PAM: variants seen among roughly 807,000 people sequenced by gnomAD.
The protein encoded by PAM is peptidylglycine alpha-amidating monooxygenase.
A neutral mutation model predicts 122.1 loss-of-function variants in PAM; 72 were observed. The ratio of observed to expected loss-of-function variants is 0.59; its 90% CI spans 0.49 to 0.72. The LOEUF is 0.72. PAM is among the 30% of genes least tolerant of loss of function. The pLI, the probability that PAM is intolerant of heterozygous loss-of-function variation, is 0.00. For missense variants in PAM, 1,106 were observed against 1,183.7 expected, an observed-to-expected ratio of 0.93 and a Z score of 0.96; for synonymous variants, 389 against 404.4, an observed-to-expected ratio of 0.96 and a Z score of 0.46.
At chr5:103,023,225 A>G (rs1193985068) in intron 23 of PAM, among the ~76,000 whole-genome samples, 1 of 152,000 alleles carries the variant, frequency 6.6e-6, no homozygotes, top group Admixed American at 6.6e-5. Flanking sequence ...ATGTTGCCCA[A>G]TTCTGGTTCT....
rs1401981661 is a variant in PAM at position 102,870,092 on chromosome 5, T to C, written c.210+2699T>C. ...AAACAAGGAAAGACATTGAGTTAAA[T>C]GGCAGAGGATTTTTTTTTTTTTGAT... is the stretch of plus-strand genomic sequence containing the variant. On this transcript the variant is annotated intron_variant, in intron 3 of 25. Transcript: ENST00000438793. Among the ~76,000 whole-genome samples the C allele has an allele frequency of 4.1e-5, 6 of 147,134 alleles. No homozygotes were observed. In the South Asian group the frequency reaches 8.5e-4, roughly 21 times the overall value.
chr5:102,927,764 A>G (rs1750096969), intron 7 of PAM, among the ~76,000 whole-genome samples: 1 of 149,190 alleles, frequency 6.7e-6, no homozygotes, highest in Non-Finnish European at 1.5e-5. Flanking sequence ...TAATACACTA[A>G]TAAATATATA....
intron 16 of PAM, 81 bp downstream of exon 16, chr5:102,990,482 T>A: frequency 9.7e-7 from 1 of 1,036,126 alleles, no homozygotes; most frequent in Non-Finnish European, 1.4e-6. Context: ...AGAATAATGG[T>A]GAGAGAACTA....
At chr5:102,909,681 C>T (rs974200101) in intron 4 of PAM, among the ~76,000 whole-genome samples, 2 of 151,624 alleles carry the variant, frequency 1.3e-5, no homozygotes, top group Admixed American at 1.3e-4. Context: ...TTACCAAGTT[C>T]CATAGGTAAT....
intron 21 of PAM, among the ~76,000 whole-genome samples, chr5:103,011,979 T>C (rs1780761648): frequency 6.6e-6 from 1 of 152,228 alleles, no homozygotes; most frequent in Non-Finnish European, 1.5e-5. Flanking sequence ...TGATATCTTA[T>C]TGTAGTTTCG....
chr5:102,807,054 C>G (rs1482382194), intron 1 of PAM, among the ~76,000 whole-genome samples: 4 of 152,236 alleles, frequency 2.6e-5, no homozygotes, highest in Admixed American at 2.6e-4. Flanking sequence ...GAATGACAAC[C>G]TTCATTTTTG....
chr5:102,789,246 A>T (rs1761411305), intron 1 of PAM, among the ~76,000 whole-genome samples: 1 of 152,076 alleles, frequency 6.6e-6, no homozygotes, highest in Admixed American at 6.6e-5. Flanking sequence ...TGGAAGTTGG[A>T]ATTTTAAAAG....
intron 1 of PAM, among the ~76,000 whole-genome samples, chr5:102,864,182 ATATT>A (rs914218772): frequency 3.6e-4 from 49 of 137,598 alleles, no homozygotes; most frequent in African/African-American, 1.3e-3. Flanking sequence ...ATATATATAT[ATATT>A]TTTTTTTTTT....
rs182990553 is a variant in PAM at position 102,976,374 on chromosome 5, C to T, written c.1483+1938C>T. ...TGCTGTTTCATTCCTTTGGGTAAGC[C>T]AGAGGAAAACCTATCCTCAGGAAGC... On this transcript the variant is annotated intron_variant, in intron 15 of 25. Transcript: ENST00000438793. Among the ~76,000 whole-genome samples, 37 of 151,622 alleles carry T rather than the reference C, an allele frequency of 2.4e-4. 1 individual carries two copies. In the East Asian group the frequency reaches 6.4e-3, roughly 26 times the overall value.
chr5:102,888,219 G>C (rs1793744109), intron 3 of PAM, among the ~76,000 whole-genome samples: 1 of 151,868 alleles, frequency 6.6e-6, no homozygotes, highest in South Asian at 2.1e-4. Context: ...TGGATGAATG[G>C]ACGAATTTCC....
At chr5:102,756,689 A>G (rs1362344553) in intron 1 of PAM, among the ~76,000 whole-genome samples, 1 of 152,186 alleles carries the variant, frequency 6.6e-6, no homozygotes, top group African/African-American at 2.4e-5. Context: ...TCAGCTTTAC[A>G]GGAAGTCAGG....
intron 3 of PAM, among the ~76,000 whole-genome samples, chr5:102,880,147 G>GGT (rs1007580765): frequency 3.9e-5 from 6 of 152,094 alleles, no homozygotes; most frequent in Admixed American, 1.3e-4. Flanking sequence ...TGGGCATGGT[G>GGT]GTGTATGCCT....
At chr5:103,004,478 G>T (rs561707809) in intron 17 of PAM, among the ~76,000 whole-genome samples, 2 of 152,182 alleles carry the variant, frequency 1.3e-5, no homozygotes, top group Non-Finnish European at 2.9e-5. Flanking sequence ...AGCTAACAGA[G>T]CTATTGGATT....
chr5:102,988,311 T>C (rs1772642143), intron 15 of PAM, among the ~76,000 whole-genome samples: 1 of 143,982 alleles, frequency 6.9e-6, no homozygotes, highest in African/African-American at 3.0e-5. Context: ...ACCTTTTAAG[T>C]AGACCTTAAT....
At chr5:102,917,826 T>A (rs914318140) in intron 5 of PAM, among the ~76,000 whole-genome samples, 1 of 152,198 alleles carries the variant, frequency 6.6e-6, no homozygotes. Flanking sequence ...TACTGTTCAT[T>A]AAAATATATT....
chr5:102,866,140 C>G lies in PAM; in HGVS notation c.-56C>G, dbSNP rs1785479036. 1 of 1,296,194 alleles carries G rather than the reference C, an allele frequency of 7.7e-7. No individual in the cohort carries two copies. Among genetic ancestry groups the G allele is most frequent in the African/African-American group, 1.5e-5 (1 of 68,072 alleles). The allele number at this position is 1,296,194 out of a possible 1,614,324, so 80.3% of individuals were successfully genotyped here. On this transcript the variant is annotated 5_prime_UTR_variant, in exon 2 of 26. Transcript: ENST00000438793. ...CGGCGCCGCTGCCCAACCGCCAGCC[C>G]CAGCCCCGCGCTGCGCTGCCCGGTC...
rs139399469 is a variant in PAM, at chr5:102,829,397, A to C, written c.-373-36426A>C. On this transcript the variant is annotated intron_variant, in intron 1 of 25. Coordinates refer to ENST00000438793, the MANE Select transcript of PAM (RefSeq NM_001177306.2). ...TTTTTTTTTTTTTTTTTTGAGATGGAGTCTTGCTCTGTCACCCAGGCAGGA... is the reference window on the plus strand; with the variant it reads ...TTTTTTTTTTTTTTTTTTGAGATGGCGTCTTGCTCTGTCACCCAGGCAGGA... 5.5e-3 allele frequency among the ~76,000 whole-genome samples: 745 copies of C among 135,640 alleles called. 19 individuals are homozygous for C. The highest frequency in any genetic ancestry group is 0.043 in the Admixed American group (541 of 12,612). 89.0% of individuals were successfully genotyped at this position (135,640 alleles called of 152,430 possible).
intron 21 of PAM, among the ~76,000 whole-genome samples, chr5:103,010,825 A>C (rs1036666448): frequency 1.3e-5 from 2 of 152,182 alleles, no homozygotes; most frequent in African/African-American, 2.4e-5. Context: ...TTTATGGGGT[A>C]CATGAGATAT....
intron 1 of PAM, among the ~76,000 whole-genome samples, chr5:102,778,356 T>A (rs1021309034): frequency 6.6e-6 from 1 of 152,122 alleles, no homozygotes; most frequent in African/African-American, 2.4e-5. Context: ...CCCAGAGCAT[T>A]CTATATAGTA....
Sources: gnomAD v4.1 joint callset for allele counts (sites outside exome capture counted in the v4.1 genomes callset) on GRCh38, gnomAD v4.1.1 for gene constraint, MANE v1.5 for transcripts, NCBI Gene and HGNC (gene_info 2026-07-23, HGNC 2026-07-21) for gene names.